The following SLC15A4 variants were observed in gnomAD, a reference collection of about 807,000 sequenced individuals.
SLC15A4 encodes hPHT1.
A neutral mutation model predicts 46.1 loss-of-function variants in SLC15A4; 26 were observed. The observed-to-expected ratio is 0.56, with a 90% CI of 0.41 to 0.78. SLC15A4 has a LOEUF of 0.78. SLC15A4 is among the 30% of genes least tolerant of loss of function. SLC15A4 has a pLI of 0.00. For synonymous variants in SLC15A4, 370 were observed against 333.4 expected (o/e 1.11, Z -1.20); for missense variants, 751 against 755.7 (o/e 0.99, Z 0.07).
chr12:128,801,879 G>C (rs1315544118), intron 5 of SLC15A4, among the ~76,000 whole-genome samples: 2 of 152,152 alleles, frequency 1.3e-5, no homozygotes, highest in Non-Finnish European at 2.9e-5. Flanking sequence ...GAGGGCAATG[G>C]AATGAAAATA....
chr12:128,823,289 G>A, intron 1 of SLC15A4, 109 bp downstream of exon 1: 3 of 1,099,058 alleles, frequency 2.7e-6, no homozygotes, highest in South Asian at 4.2e-5. Flanking sequence ...AGCCCCCCGG[G>A]GCAAGGGGCT....
At chr12:128,815,691 AC>A (rs1688645084) in intron 1 of SLC15A4, 1 of 154,068 alleles carries the variant, frequency 6.5e-6, no homozygotes, top group African/African-American at 2.4e-5. Flanking sequence ...AAACAAACAA[AC>A]AAACAAAAAA....
intron 1 of SLC15A4, among the ~76,000 whole-genome samples, chr12:128,819,231 C>T (rs1185676426): frequency 1.3e-5 from 2 of 151,950 alleles, no homozygotes; most frequent in Non-Finnish European, 1.5e-5. Context: ...TGGTGAAACC[C>T]CGTCTCTATT....
intron 1 of SLC15A4, among the ~76,000 whole-genome samples, chr12:128,821,976 AC>A (rs542822066): frequency 8.1e-4 from 123 of 152,192 alleles, no homozygotes; most frequent in Non-Finnish European, 1.6e-3. Context: ...CTGACCTGCT[AC>A]CCCAGCTGTA....
At chr12:128,805,950 G>C (rs1168015539) in intron 5 of SLC15A4, among the ~76,000 whole-genome samples, 2 of 152,024 alleles carry the variant, frequency 1.3e-5, no homozygotes, top group Admixed American at 1.3e-4. Context: ...GGGAGGCTGA[G>C]GTGGGCAGAT....
Position 128,814,800 on chromosome 12 carries a change from G to T in SLC15A4, c.817C>A (p.Arg273=), listed in dbSNP as rs1387461023. The change falls in exon 2 of 8, where the codon CGA becomes AGA. Residue 273 remains arginine (R), a synonymous_variant. Transcript: ENST00000266771. ...ILTYSCCSQK[R]SGERQSNGEG... ...CCATTACTCTGGCGCTCTCCACTTC[G>T]CTTCTGGGAACAGCAGGAATACGTC... The T allele has an allele frequency of 6.2e-7, 1 of 1,614,108 alleles. No individual in the cohort carries two copies. Among genetic ancestry groups the T allele is most frequent in the Non-Finnish European group, 8.5e-7 (1 of 1,179,964 alleles).
intron 5 of SLC15A4, among the ~76,000 whole-genome samples, chr12:128,805,335 A>T (rs916377190): frequency 1.3e-5 from 2 of 152,194 alleles, no homozygotes; most frequent in Non-Finnish European, 2.9e-5. Context: ...TATTACAAAG[A>T]CAGAAAAAGA....
intron 5 of SLC15A4, among the ~76,000 whole-genome samples, chr12:128,805,964 G>A (rs572381779): frequency 1.2e-3 from 176 of 152,018 alleles, no homozygotes; most frequent in African/African-American, 4.1e-3. Context: ...GGCAGATCAC[G>A]AGGTCAGGAG....
Position 128,794,652 on chromosome 12 carries a change from A to G in SLC15A4, c.1574-296T>C, listed in dbSNP as rs1030184772. On this transcript the variant is annotated intron_variant, in intron 7 of 7. Transcript: ENST00000266771. ...TAAGGTAAAAGGAGGAGGTTCCCTG[A>G]GGAAACTAGAAAAGGTAGCTCCCCA... Among the ~76,000 whole-genome samples, 3 of 152,204 alleles carry G rather than the reference A, an allele frequency of 2.0e-5. No homozygotes were observed. The South Asian group carries it at 6.2e-4, about 31-fold the overall frequency.
At position 128,794,077 on chromosome 12, in the gene SLC15A4, C is replaced by T; in HGVS notation, c.*119G>A. ...GGAAAGAAGAAATCAATCCAGGCAA[C>T]ATGCAAGTTTCAGTGAAGTCAGACA... On this transcript the variant is annotated 3_prime_UTR_variant, in exon 8 of 8. Transcript: ENST00000266771. 1 of 1,021,340 alleles carries T rather than the reference C, an allele frequency of 9.8e-7. No individual in the cohort carries two copies. Among genetic ancestry groups the T allele is most frequent in the Non-Finnish European group, 1.4e-6 (1 of 698,286 alleles). The allele number at this position is 1,021,340 out of a possible 1,614,324, so 63.3% of individuals were successfully genotyped here.
chr12:128,805,551 G>A (rs1385267424), intron 5 of SLC15A4, among the ~76,000 whole-genome samples: 3 of 151,442 alleles, frequency 2.0e-5, no homozygotes, highest in Non-Finnish European at 4.4e-5. Context: ...TTTTCTTTTT[G>A]AGACAGAGTC....
chr12:128,803,299 T>C (rs1955539239), intron 5 of SLC15A4, among the ~76,000 whole-genome samples: 1 of 151,800 alleles, frequency 6.6e-6, no homozygotes, highest in Non-Finnish European at 1.5e-5. Flanking sequence ...AGGGAAGAGG[T>C]GTCAACAAAA....
chr12:128,806,903 T>C (rs1170044178), intron 5 of SLC15A4, among the ~76,000 whole-genome samples: 3 of 56,016 alleles, frequency 5.4e-5, no homozygotes, highest in Non-Finnish European at 6.7e-5. Context: ...TTGCTAGCGC[T>C]TTTTTTTTTT....
intron 7 of SLC15A4, 102 bp downstream of exon 7, chr12:128,799,157 G>T: frequency 7.6e-7 from 1 of 1,318,166 alleles, no homozygotes; most frequent in Non-Finnish European, 1.1e-6. Flanking sequence ...CTCGGGACAG[G>T]CCATCCACGT....
intron 1 of SLC15A4, among the ~76,000 whole-genome samples, chr12:128,821,361 C>T (rs540195200): frequency 1.3e-5 from 2 of 152,294 alleles, no homozygotes; most frequent in East Asian, 1.9e-4. Flanking sequence ...TACAAGCATC[C>T]GCACACTTCT....
chr12:128,807,705 T>C (rs904309525), intron 5 of SLC15A4, among the ~76,000 whole-genome samples: 3 of 152,204 alleles, frequency 2.0e-5, no homozygotes, highest in African/African-American at 7.2e-5. Flanking sequence ...CCATGCTTAT[T>C]TCCCCATGTG....
chr12:128,818,470 G>A (rs1955788896), intron 1 of SLC15A4, among the ~76,000 whole-genome samples: 1 of 152,122 alleles, frequency 6.6e-6, no homozygotes, highest in African/African-American at 2.4e-5. Context: ...CCCTCGCCTG[G>A]GGCACAACAG....
intron 7 of SLC15A4, among the ~76,000 whole-genome samples, chr12:128,798,027 A>T (rs896680257): frequency 2.0e-5 from 3 of 152,246 alleles, no homozygotes; most frequent in African/African-American, 7.2e-5. Flanking sequence ...GTCCACAAAC[A>T]ACCTGTCAGA....
intron 7 of SLC15A4, among the ~76,000 whole-genome samples, chr12:128,796,272 A>T (rs991971386): frequency 4.6e-5 from 7 of 152,110 alleles, no homozygotes; most frequent in Middle Eastern, 3.4e-3. Context: ...AAAAATACAA[A>T]TAATTAGCCA....
Sources: allele counts gnomAD v4.1 joint callset (sites outside exome capture counted in the v4.1 genomes callset), GRCh38; gene constraint gnomAD v4.1.1; transcripts MANE v1.5; gene names NCBI Gene and HGNC (gene_info 2026-07-23, HGNC 2026-07-21).